ATP8A2: variants seen among roughly 807,000 people sequenced by gnomAD.
The protein encoded by ATP8A2 is ATPase phospholipid transporting 8A2, also known as phospholipid-transporting ATPase IB.
A neutral mutation model predicts 165.6 loss-of-function variants in ATP8A2; 100 were observed. That is an observed-to-expected ratio of 0.60 (90% CI 0.51 to 0.71). The LOEUF is 0.71. Among genes scored for constraint, ATP8A2 ranks in the 30% least tolerant of loss-of-function variants. The pLI is 0.00. For synonymous variants in ATP8A2, 543 were observed against 548.8 expected, an observed-to-expected ratio of 0.99 and a Z score of 0.15; for missense variants, 1,227 against 1,479.5, an observed-to-expected ratio of 0.83 and a Z score of 2.80.
chr13:25,737,962 G>T (rs567999359), intron 25 of ATP8A2, among the ~76,000 whole-genome samples: 1 of 152,280 alleles, frequency 6.6e-6, no homozygotes, highest in South Asian at 2.1e-4. Context: ...GGGATTACAG[G>T]CGTGAGCCAT....
chr13:25,799,639 C>T (rs1950578622), intron 27 of ATP8A2, among the ~76,000 whole-genome samples: 1 of 152,110 alleles, frequency 6.6e-6, no homozygotes. Context: ...GAGAGTAGTC[C>T]CTGTGGCCTT....
intron 27 of ATP8A2, among the ~76,000 whole-genome samples, chr13:25,823,833 A>AT (rs1453637625): frequency 6.6e-6 from 1 of 151,996 alleles, no homozygotes; most frequent in Non-Finnish European, 1.5e-5. Context: ...ATCTTTGAAC[A>AT]TTTTTTTAAC....
chr13:25,765,668 T>G (rs1196898099), intron 25 of ATP8A2, among the ~76,000 whole-genome samples: 1 of 152,216 alleles, frequency 6.6e-6, no homozygotes, highest in Non-Finnish European at 1.5e-5. Flanking sequence ...TCCTTATTTT[T>G]GCTTTTTGGG....
chr13:25,487,821 G>A (rs1267200101), intron 2 of ATP8A2, among the ~76,000 whole-genome samples: 1 of 152,126 alleles, frequency 6.6e-6, no homozygotes, highest in East Asian at 1.9e-4. Context: ...GAAAAAACAT[G>A]CAGTGTAATC....
chr13:25,753,805 A>C (rs1357708932), intron 25 of ATP8A2, among the ~76,000 whole-genome samples: 1 of 152,210 alleles, frequency 6.6e-6, no homozygotes, highest in Non-Finnish European at 1.5e-5. Context: ...ACTTATGTCA[A>C]AACGCAGGCC....
chr13:25,392,202 T>A (rs2033274295), intron 1 of ATP8A2, among the ~76,000 whole-genome samples: 1 of 152,258 alleles, frequency 6.6e-6, no homozygotes, highest in African/African-American at 2.4e-5. Context: ...ACTGCACCTT[T>A]CCTTTGCACA....
At chr13:25,574,672 CAG>C (rs1279915463) in intron 18 of ATP8A2, 134 bp from the exon 19 acceptor site, 3 of 677,392 alleles carry the variant, frequency 4.4e-6, no homozygotes. Context: ...TGTGAGAAAA[CAG>C]TACATGTTGC....
intron 1 of ATP8A2, among the ~76,000 whole-genome samples, chr13:25,448,740 C>G (rs560949761): frequency 6.6e-5 from 10 of 152,300 alleles, no homozygotes; most frequent in African/African-American, 2.2e-4. Flanking sequence ...ACCTCTGCCT[C>G]CCAGGTTCAA....
At chr13:25,514,324 C>G (rs903775442) in intron 2 of ATP8A2, among the ~76,000 whole-genome samples, 3 of 152,172 alleles carry the variant, frequency 2.0e-5, no homozygotes, top group South Asian at 2.1e-4. Context: ...TTAAAGTTTG[C>G]TGTACTGTTT....
chr13:25,760,495 AACAT>A (rs2044359681), intron 25 of ATP8A2, among the ~76,000 whole-genome samples: 2 of 152,206 alleles, frequency 1.3e-5, no homozygotes. Context: ...TTGAGGACTT[AACAT>A]CCAACGTAAG....
intron 1 of ATP8A2, among the ~76,000 whole-genome samples, chr13:25,377,636 CA>C (rs1435645166): frequency 6.6e-6 from 1 of 151,974 alleles, no homozygotes; most frequent in African/African-American, 2.4e-5. Context: ...CCTAAAAGTA[CA>C]AAAATTAGCC....
intron 35 of ATP8A2, among the ~76,000 whole-genome samples, chr13:26,010,934 A>G (rs945313022): frequency 2.0e-5 from 3 of 152,170 alleles, no homozygotes; most frequent in South Asian, 2.1e-4. Flanking sequence ...TTCAAAATGA[A>G]CTTCAGCTCA....
At chr13:25,900,358 C>T (rs1445888856) in intron 33 of ATP8A2, among the ~76,000 whole-genome samples, 5 of 152,154 alleles carry the variant, frequency 3.3e-5, no homozygotes, top group African/African-American at 1.2e-4. Context: ...CAGTGGAGGA[C>T]ACCAGAACCT....
intron 27 of ATP8A2, among the ~76,000 whole-genome samples, chr13:25,826,469 T>C (rs1212259302): frequency 6.6e-6 from 1 of 152,218 alleles, no homozygotes; most frequent in Non-Finnish European, 1.5e-5. Flanking sequence ...AGTATCATAC[T>C]GGATACAGTA....
intron 25 of ATP8A2, among the ~76,000 whole-genome samples, chr13:25,703,406 A>C (rs1472829205): frequency 6.6e-6 from 1 of 152,146 alleles, no homozygotes; most frequent in Non-Finnish European, 1.5e-5. Flanking sequence ...TATTTTCCTC[A>C]AAAAGCTAAA....
At chr13:25,983,809 C>G (rs765360763) in intron 35 of ATP8A2, among the ~76,000 whole-genome samples, 1 of 152,052 alleles carries the variant, frequency 6.6e-6, no homozygotes, top group Non-Finnish European at 1.5e-5. Flanking sequence ...AAATAGTAGA[C>G]AGAGAATGGG....
intron 27 of ATP8A2, among the ~76,000 whole-genome samples, chr13:25,795,882 T>C (rs1950489209): frequency 6.6e-6 from 1 of 151,972 alleles, no homozygotes; most frequent in Non-Finnish European, 1.5e-5. Context: ...GGTGACAGCA[T>C]TTTTTTACAT....
rs150159332 is a variant in ATP8A2 at position 25,518,485 on chromosome 13, A to G, written c.222-11514A>G. On this transcript the variant is annotated intron_variant, in intron 2 of 36. Transcript: ENST00000381655. ...GGCAATTGTTTTTGACTGTCTTTAC[A>G]CCTTAACATGGATTTACTGTTTCCA... Among the ~76,000 whole-genome samples, 243 of 152,302 alleles carry G rather than the reference A, an allele frequency of 1.6e-3. 2 individuals carry two copies. Among genetic ancestry groups the G allele is most frequent in the African/African-American group, 5.5e-3 (228 of 41,550 alleles).
At chr13:25,994,243 AAT>A (rs556923131) in intron 35 of ATP8A2, among the ~76,000 whole-genome samples, 15 of 151,562 alleles carry the variant, frequency 9.9e-5, no homozygotes, top group Middle Eastern at 3.5e-3. Flanking sequence ...TCTATACATA[AAT>A]ATATATATAT....
Sources: gnomAD v4.1 joint callset for allele counts (sites outside exome capture counted in the v4.1 genomes callset) on GRCh38, gnomAD v4.1.1 for gene constraint, MANE v1.5 for transcripts, NCBI Gene and HGNC (gene_info 2026-07-23, HGNC 2026-07-21) for gene names.